Variants in SLC44A2 observed in about 807,000 individuals in gnomAD.
SLC44A2 encodes the protein solute carrier family 44 member 2 (CTL2 blood group).
A neutral mutation model predicts 90.8 loss-of-function variants in SLC44A2; 57 were observed. The observed-to-expected ratio is 0.63, with a 90% CI of 0.51 to 0.78. The LOEUF (loss-of-function observed/expected upper bound fraction) is 0.78. SLC44A2 is among the 30% of genes least tolerant of loss of function. The pLI is 0.00. For synonymous variants in SLC44A2, 355 were observed against 360.7 expected (o/e 0.98, Z 0.18); for missense variants, 794 against 919.7 (o/e 0.86, Z 1.77).
rs114989609 is a variant in SLC44A2 at position 10,632,003 on chromosome 19, C to T, written c.711-41C>T. ...CCCTGGCTGCCCCCTCTAAGCCTGG[C>T]TGAGGGTGGAGTCTGTTCATGACCG... On this transcript the variant is annotated intron_variant, in intron 9 of 21. Coordinates refer to ENST00000335757, the MANE Select transcript of SLC44A2 (RefSeq NM_020428.4). The T allele has an allele frequency of 9.6e-4, 1,551 of 1,612,278 alleles. 9 individuals carry two copies. In the African/African-American group the frequency reaches 0.018, roughly 19 times the overall value.
intron 1 of SLC44A2, among the ~76,000 whole-genome samples, chr19:10,614,293 A>G (rs949867837): frequency 1.3e-5 from 2 of 152,016 alleles, no homozygotes. Flanking sequence ...TTAAGCCACC[A>G]AGGCATTGGT....
At chr19:10,642,672 TGCCCTGGA>T (rs1257215260) in intron 21 of SLC44A2, among the ~76,000 whole-genome samples, 1 of 152,142 alleles carries the variant, frequency 6.6e-6, no homozygotes, top group Non-Finnish European at 1.5e-5. Flanking sequence ...GCCTGGACGC[TGCCCTGGA>T]GCCCGCCCGC....
chr19:10,603,255 C>T (rs966468442), intron 1 of SLC44A2, among the ~76,000 whole-genome samples: 2 of 152,156 alleles, frequency 1.3e-5, no homozygotes, highest in Non-Finnish European at 2.9e-5. Flanking sequence ...GGGGATGGGC[C>T]CAGGATGTGG....
chr19:10,635,548 TGCCCCAGCAG>T, intron 14 of SLC44A2, 33 bp downstream of exon 14: 1 of 1,583,184 alleles, frequency 6.3e-7, no homozygotes, highest in Non-Finnish European at 8.6e-7. Flanking sequence ...GGGCAGGTAT[TGCCCCAGCAG>T]GCCCCAGATG....
In SLC44A2 at chr19:10,643,308, G is replaced by A; in HGVS notation, c.2044G>A (p.Ala682Thr). The A allele has an allele frequency of 1.2e-6, 2 of 1,610,636 alleles. No homozygotes were observed. Among genetic ancestry groups the A allele is most frequent in the Non-Finnish European group, 1.7e-6 (2 of 1,178,416 alleles). ...GGACCTGGAGAGGAATGACGGCTCG[G>A]CCGAGAGGCCTTACTTCATGTCTTC... ...LEDLERNDGS[A>T]ERPYFMSSTL... The change falls in exon 22 of 22, where the codon GCC becomes ACC. Residue 682 changes from alanine to threonine, a missense_variant. By Grantham distance (58) the Ala-to-Thr change is moderately conservative. This residue lies in a region of SLC44A2 where 44 missense variants were observed against 43.9 expected (regional missense o/e 1.00). Transcript: ENST00000335757.
chr19:10,621,721 C>A (rs1470705144), upstream of SLC44A2, among the ~76,000 whole-genome samples: 1 of 152,052 alleles, frequency 6.6e-6, no homozygotes, highest in East Asian at 1.9e-4. Context: ...CAGGTTCAAG[C>A]GATTCTCGTG....
At chr19:10,636,853 A>T in intron 16 of SLC44A2, 97 bp downstream of exon 16, 1 of 1,247,384 alleles carries the variant, frequency 8.0e-7, no homozygotes, top group Non-Finnish European at 1.1e-6. Flanking sequence ...CGGGGCCAAG[A>T]TAATAGAGCA....
upstream of SLC44A2, among the ~76,000 whole-genome samples, chr19:10,624,693 C>G (rs2066916194): frequency 6.6e-6 from 1 of 152,200 alleles, no homozygotes; most frequent in Non-Finnish European, 1.5e-5. Context: ...GTTAAGTATC[C>G]TCTAGTTCAG....
chr19:10,632,348 C>T (rs941148538), intron 10 of SLC44A2, among the ~76,000 whole-genome samples, 192 bp downstream of exon 10: 6 of 151,822 alleles, frequency 4.0e-5, no homozygotes, highest in Non-Finnish European at 8.8e-5. Flanking sequence ...ACCAGCCTGA[C>T]CAACATGGAG....
chr19:10,637,756 G>C lies in SLC44A2; in HGVS notation c.1695+9G>C. The C allele has an allele frequency of 6.2e-7, 1 of 1,613,860 alleles. No individual in the cohort carries two copies. On this transcript the variant is annotated intron_variant, in intron 17 of 21. Coordinates refer to ENST00000335757, the MANE Select transcript of SLC44A2 (RefSeq NM_020428.4). ...GGAATGCCTACATCATGGTGAGTGG[G>C]CCTGGGACCCCCAACCAACCCGCCA... is the stretch of plus-strand genomic sequence containing the variant.
At chr19:10,630,817 A>G (rs754996815) in intron 4 of SLC44A2, among the ~76,000 whole-genome samples, 6 of 151,836 alleles carry the variant, frequency 4.0e-5, no homozygotes, top group Non-Finnish European at 8.8e-5. Flanking sequence ...CAGCCTGGCC[A>G]ACATGGTGGA....
At chr19:10,635,586 T>C in intron 14 of SLC44A2, 71 bp downstream of exon 14, 4 of 1,372,050 alleles carry the variant, frequency 2.9e-6, no homozygotes, top group Non-Finnish European at 4.1e-6. Context: ...ACCTCTCATG[T>C]CCACTTGGAG....
intron 10 of SLC44A2, 146 bp from the exon 11 acceptor site, chr19:10,634,610 G>C: frequency 9.2e-7 from 1 of 1,084,302 alleles, no homozygotes; most frequent in South Asian, 1.5e-5. Flanking sequence ...CATGGGGAGA[G>C]AATGCACCGG....
intron 1 of SLC44A2, among the ~76,000 whole-genome samples, chr19:10,603,185 T>C (rs1599563411): frequency 6.6e-6 from 1 of 151,896 alleles, no homozygotes; most frequent in African/African-American, 2.4e-5. Flanking sequence ...TTTCGAGAGG[T>C]GCTGGCGACT....
chr19:10,625,572 G>C lies in SLC44A2; in HGVS notation c.-62G>C, dbSNP rs999188098. On this transcript the variant is annotated 5_prime_UTR_variant, in exon 1 of 22. Transcript: ENST00000335757. Reference sequence around the variant, plus strand: ...GCGGTCAGTGCCTCCCTCCAGACTCGGGAGGGTCGAGGGGGCGCGGGAGAG... The same window carrying C: ...GCGGTCAGTGCCTCCCTCCAGACTCCGGAGGGTCGAGGGGGCGCGGGAGAG... 4 of 1,234,944 alleles carry C rather than the reference G, an allele frequency of 3.2e-6. No homozygotes were observed. 76.5% of individuals were successfully genotyped at this position (1,234,944 alleles called of 1,614,324 possible).
intron 1 of SLC44A2, 67 bp downstream of exon 1, chr19:10,625,737 A>G (rs1313425278): frequency 3.3e-6 from 4 of 1,201,160 alleles, no homozygotes; most frequent in Non-Finnish European, 4.2e-6. Context: ...GCCTTGAGAG[A>G]ACATGGGGCG....
At chr19:10,605,861 G>A (rs1296027766) in intron 1 of SLC44A2, among the ~76,000 whole-genome samples, 1 of 151,686 alleles carries the variant, frequency 6.6e-6, no homozygotes, top group Admixed American at 6.6e-5. Flanking sequence ...AAGCATGGTG[G>A]TGCACATCTG....
chr19:10,610,547 A>G (rs1231044158), intron 1 of SLC44A2, among the ~76,000 whole-genome samples: 2 of 140,908 alleles, frequency 1.4e-5, no homozygotes, highest in African/African-American at 5.3e-5. Flanking sequence ...TGTTAGCCAG[A>G]TGGTCTTGAT....
At chr19:10,602,659 G>T (rs1917993430) in intron 1 of SLC44A2, 1 of 1,113,902 alleles carries the variant, frequency 9.0e-7, no homozygotes, top group Non-Finnish European at 1.1e-6. Context: ...CCGGCGCTGC[G>T]GCTGGATGGC....
Sources: allele counts gnomAD v4.1 joint callset (sites outside exome capture counted in the v4.1 genomes callset), GRCh38; gene constraint gnomAD v4.1.1; regional missense constraint gnomAD v4.1.1; transcripts MANE v1.5; gene names NCBI Gene and HGNC (gene_info 2026-07-23, HGNC 2026-07-21).